The following B4GALNT4 variants were observed in gnomAD, a reference collection of about 807,000 sequenced individuals.
B4GALNT4 encodes N-acetyl-beta-glucosaminyl-glycoprotein 4-beta-N-acetylgalactosaminyltransferase 1.
B4GALNT4 carries 77 observed loss-of-function variants against 110.0 expected under a neutral mutation model. That is an observed-to-expected ratio of 0.70 (90% confidence interval 0.58 to 0.85). The LOEUF (loss-of-function observed/expected upper bound fraction) is 0.85, where lower values mean the gene tolerates loss of function less well. Ranked by LOEUF, B4GALNT4 falls within the 40% of genes least tolerant of loss-of-function variation. The pLI is 0.00. For missense variants in B4GALNT4, 1,575 were observed against 1,506.0 expected, an observed-to-expected ratio of 1.05 and a Z score of -0.76; for synonymous variants, 785 against 655.5, an observed-to-expected ratio of 1.20 and a Z score of -3.02.
chr11:381,934 G>A lies in B4GALNT4; in HGVS notation c.*142G>A, dbSNP rs1846885087. On this transcript the variant is annotated 3_prime_UTR_variant, in exon 20 of 20. Transcript: ENST00000329962. ...TGTGCCTGCCCCTCTCTGGCCCACT[G>A]GGCGTCGTGCCCCTCCCCGGAGAGG... The A allele has an allele frequency of 5.6e-6, 6 of 1,064,272 alleles. No homozygotes were observed. The highest frequency in any genetic ancestry group is 5.0e-6 in the Non-Finnish European group (4 of 798,170). 65.9% of individuals were successfully genotyped at this position (1,064,272 alleles called of 1,614,324 possible).
In B4GALNT4 at chr11:376,555, A is replaced by T; in HGVS notation, c.1432A>T (p.Thr478Ser). 1 of 1,214,676 alleles carries T rather than the reference A, an allele frequency of 8.2e-7. No individual in the cohort carries two copies. Among genetic ancestry groups the T allele is most frequent in the South Asian group, 1.7e-5 (1 of 57,436 alleles). The allele number at this position is 1,214,676 out of a possible 1,614,324, so 75.2% of individuals were successfully genotyped here. A position where few individuals can be genotyped will look rare whatever the true frequency, so the allele number is the denominator to read the frequency against. Residue 478 changes from threonine (T) to serine (S), a missense_variant, in exon 14 of 20, where the codon ACC (threonine) becomes TCC (serine). Thr to Ser is a moderately conservative substitution (Grantham distance 58). Transcript: ENST00000329962. Reference sequence around the variant, plus strand: ...GCCCGGAGCCACCCTCGCCCCGCCGACCCCTCCCCGCCCCCGGGACGGGGG... The same window carrying T: ...GCCCGGAGCCACCCTCGCCCCGCCGTCCCCTCCCCGCCCCCGGGACGGGGG... ...AQPGATLAPP[T>S]PPRPRDGGTP...
intron 16 of B4GALNT4, 36 bp from the exon 17 acceptor site, chr11:380,094 C>T (rs1393832189): frequency 2.5e-6 from 4 of 1,591,946 alleles, no homozygotes; most frequent in East Asian, 4.5e-5. Context: ...CCTGACCCCA[C>T]CCCCAGAGAT....
Position 372,218 on chromosome 11 carries a change from C to G in B4GALNT4, c.255+6C>G, listed in dbSNP as rs1390673146. 1 of 1,549,638 alleles carries G rather than the reference C, an allele frequency of 6.5e-7. No homozygotes were observed. The highest frequency in any genetic ancestry group is 2.4e-5 in the East Asian group (1 of 40,906). ...GCCGTGAAGAGGAGCAAGCGGTGAG[C>G]AGAGCCCTGGGGAGAACACGTGTGC... On this transcript the variant is annotated splice_donor_region_variant and intron_variant, in intron 2 of 19. Coordinates refer to ENST00000329962, the MANE Select transcript of B4GALNT4 (RefSeq NM_178537.5).
intron 18 of B4GALNT4, 62 bp downstream of exon 18, chr11:380,507 C>T: frequency 6.5e-7 from 1 of 1,530,188 alleles, no homozygotes; most frequent in South Asian, 1.2e-5. Flanking sequence ...GCGGTAAAGT[C>T]CAGGAACCCG....
intron 14 of B4GALNT4, 51 bp downstream of exon 14, chr11:377,378 C>T (rs1590341255): frequency 1.4e-6 from 2 of 1,441,552 alleles, no homozygotes; most frequent in Non-Finnish European, 1.8e-6. Flanking sequence ...GCGGGGACAG[C>T]CGGGGAGAGG....
intron 5 of B4GALNT4, 31 bp downstream of exon 5, chr11:373,147 G>A (rs1846650707): frequency 1.2e-6 from 2 of 1,612,340 alleles, no homozygotes; most frequent in East Asian, 2.2e-5. Context: ...CGGGGGAGGG[G>A]TGCCGTGAGG....
At chr11:370,461 G>A (rs1846597416) in intron 1 of B4GALNT4, among the ~76,000 whole-genome samples, 1 of 152,050 alleles carries the variant, frequency 6.6e-6, no homozygotes. Flanking sequence ...GGGCGCCTTC[G>A]GTGAACTGTG....
chr11:377,306 G>T lies in B4GALNT4; in HGVS notation c.2183G>T (p.Arg728Leu), dbSNP rs761017187. ...AVDVTAQYME[R>L]LNARHGGRFA... ...GACGTGACCGCTCAGTACATGGAGC[G>T]GCTGAACGCGCGCCACGGCGGGTAT... Residue 728 changes from arginine (R) to leucine (L), a missense_variant, in exon 14 of 20, where the codon CGG becomes CTG. Physicochemically the swap from Arg to Leu is moderately radical, Grantham distance 102 (BLOSUM62 -2). Coordinates refer to ENST00000329962, the MANE Select transcript of B4GALNT4 (RefSeq NM_178537.5). 6.4e-7 allele frequency: 1 copy of T among 1,555,578 alleles called. No homozygotes were observed. Among genetic ancestry groups the T allele is most frequent in the East Asian group, 2.3e-5 (1 of 42,580 alleles).
chr11:381,717 C>T lies in B4GALNT4; in HGVS notation c.3045C>T (p.Phe1015=), dbSNP rs1032042353. 25 of 1,592,508 alleles carry T rather than the reference C, an allele frequency of 1.6e-5. No homozygotes were observed. Among genetic ancestry groups the T allele is most frequent in the Non-Finnish European group, 2.1e-5 (25 of 1,171,324 alleles). Residue 1015 remains phenylalanine (F), a synonymous_variant, in exon 20 of 20, where the codon TTC becomes TTT. Transcript: ENST00000329962. ...TGGAGCGGCTCCGACTGCGGAATTT[C>T]TATCACCACTACCACTCCAAGAGGG... The part of the protein sequence containing the change: ...LEVERLRLRN[F]YHHYHSKRGM...
Position 376,825 on chromosome 11 carries a change from C to T in B4GALNT4, c.1702C>T (p.Pro568Ser), listed in dbSNP as rs1359043463. The change falls in exon 14 of 20, where the codon CCC becomes TCC. Residue 568 changes from proline (P) to serine (S), a missense_variant. Pro to Ser is a moderately conservative substitution (Grantham distance 74). Coordinates refer to ENST00000329962, the MANE Select transcript of B4GALNT4 (RefSeq NM_178537.5). Reference sequence around the variant, plus strand: ...TCTGCCCAGAGTGCAGCTGCGGGCGCCCCCACGCCCACCCCGGCCCCACGG... The same window carrying T: ...TCTGCCCAGAGTGCAGCTGCGGGCGTCCCCACGCCCACCCCGGCCCCACGG... Reference protein sequence around the residue: ...RPLPRVQLRAPPRPPRPHGRR... With the variant: ...RPLPRVQLRASPRPPRPHGRR... 1.1e-5 allele frequency: 15 copies of T among 1,344,236 alleles called. No individual in the cohort carries two copies. Among genetic ancestry groups the T allele is most frequent in the South Asian group, 1.7e-5 (1 of 59,798 alleles). 83.3% of individuals were successfully genotyped at this position (1,344,236 alleles called of 1,614,324 possible).
At position 373,895 on chromosome 11, in the gene B4GALNT4, G is replaced by A. The variant is rs964553982; in HGVS notation, c.783+67G>A. On this transcript the variant is annotated intron_variant, in intron 8 of 19. Coordinates refer to ENST00000329962, the MANE Select transcript of B4GALNT4 (RefSeq NM_178537.5). ...CCCCCCACCTCCCTGCAGGACAACC[G>A]CAATGGGGTCCCCGTCCCAAAGTTG... is the stretch of plus-strand genomic sequence containing the variant. The A allele has an allele frequency of 2.6e-5, 39 of 1,497,184 alleles. No individual in the cohort carries two copies. In the Middle Eastern group the frequency reaches 5.1e-4, roughly 20 times the overall value. 92.7% of individuals were successfully genotyped at this position (1,497,184 alleles called of 1,614,324 possible).
chr11:381,802 G>A lies in B4GALNT4; in HGVS notation c.*10G>A. Reference sequence around the variant, plus strand: ...CACGGGGGCGTCTTGAGGACGGGCAGCCCCTCCCAGCCCCGGTGGGAGTCC... The same window carrying A: ...CACGGGGGCGTCTTGAGGACGGGCAACCCCTCCCAGCCCCGGTGGGAGTCC... On this transcript the variant is annotated 3_prime_UTR_variant, in exon 20 of 20. Transcript: ENST00000329962. 3 of 1,562,784 alleles carry A rather than the reference G, an allele frequency of 1.9e-6. No homozygotes were observed. Among genetic ancestry groups the A allele is most frequent in the East Asian group, 4.9e-5 (2 of 40,882 alleles).
chr11:373,708 G>A, intron 7 of B4GALNT4, 42 bp from the exon 8 acceptor site: 1 of 1,599,502 alleles, frequency 6.3e-7, no homozygotes, highest in Non-Finnish European at 8.6e-7. Context: ...CACTATTTGA[G>A]CGTCCTGTGC....
Position 381,795 on chromosome 11 carries a change from A to T in B4GALNT4, c.*3A>T. On this transcript the variant is annotated 3_prime_UTR_variant, in exon 20 of 20. Coordinates refer to ENST00000329962, the MANE Select transcript of B4GALNT4 (RefSeq NM_178537.5). ...GCTCTCGCACGGGGGCGTCTTGAGGACGGGCAGCCCCTCCCAGCCCCGGTG... is the reference window on the plus strand; with the variant it reads ...GCTCTCGCACGGGGGCGTCTTGAGGTCGGGCAGCCCCTCCCAGCCCCGGTG... 6.4e-7 allele frequency: 1 copy of T among 1,574,682 alleles called. No individual in the cohort carries two copies.
At position 381,725 on chromosome 11, in the gene B4GALNT4, A is replaced by G. The variant is rs376899095; in HGVS notation, c.3053A>G (p.His1018Arg). ...ERLRLRNFYH[H>R]YHSKRGMWSV... is the part of the protein sequence containing the mutation. ...CTCCGACTGCGGAATTTCTATCACC[A>G]CTACCACTCCAAGAGGGGCATGTGG... Residue 1018 changes from histidine (H) to arginine (R), a missense_variant, in exon 20 of 20, where the codon CAC (histidine) becomes CGC (arginine). His to Arg is a conservative substitution (Grantham distance 29). Coordinates refer to ENST00000329962, the MANE Select transcript of B4GALNT4 (RefSeq NM_178537.5). 1 of 1,591,510 alleles carries G rather than the reference A, an allele frequency of 6.3e-7. No homozygotes were observed. Among genetic ancestry groups the G allele is most frequent in the African/African-American group, 1.4e-5 (1 of 72,816 alleles).
chr11:379,811 G>GC, intron 15 of B4GALNT4, 55 bp from the exon 16 acceptor site: 1 of 1,531,904 alleles, frequency 6.5e-7, no homozygotes, highest in South Asian at 1.3e-5. Flanking sequence ...GAGCTGGGAG[G>GC]CCCCACCGTA....
At position 375,197 on chromosome 11, in the gene B4GALNT4, A is replaced by T. The variant is rs111390232; in HGVS notation, c.784-264A>T. On this transcript the variant is annotated intron_variant, in intron 8 of 19. Coordinates refer to ENST00000329962, the MANE Select transcript of B4GALNT4 (RefSeq NM_178537.5). Reference sequence around the variant, plus strand: ...GGGAGGGAGGAGGAAGGGAGGGAGGAGGAAGGGAGGGAGGAGGAAAGGTGA... The same window carrying T: ...GGGAGGGAGGAGGAAGGGAGGGAGGTGGAAGGGAGGGAGGAGGAAAGGTGA... Among the ~76,000 whole-genome samples, 405 of 108,244 alleles carry T rather than the reference A, an allele frequency of 3.7e-3. 4 individuals are homozygous for T. The highest frequency in any genetic ancestry group is 0.019 in the South Asian group (57 of 3,070). The allele number at this position is 108,244 out of a possible 152,430, so 71.0% of individuals were successfully genotyped here.
chr11:374,342 T>A (rs1846681340), intron 8 of B4GALNT4, among the ~76,000 whole-genome samples: 2 of 149,514 alleles, frequency 1.3e-5, no homozygotes, highest in Non-Finnish European at 3.0e-5. Context: ...GAGGTGGCTG[T>A]GGGGATGGAC....
Position 373,804 on chromosome 11 carries a change from C to A in B4GALNT4, c.759C>A (p.Arg253=). The change falls in exon 8 of 20, where the codon CGC becomes CGA. Residue 253 remains arginine, a synonymous_variant. Transcript: ENST00000329962. Reference sequence around the variant, plus strand: ...AGTTGCTGCACAAGCAGGACGACCGCGGCTCGGACCACGTGGAAGTGGGCG... The same window carrying A: ...AGTTGCTGCACAAGCAGGACGACCGAGGCTCGGACCACGTGGAAGTGGGCG... ...YFELLHKQDD[R]GSDHVEVGWR... is the part of the protein sequence containing the mutation. 1.9e-6 allele frequency: 3 copies of A among 1,612,208 alleles called. No homozygotes were observed. The highest frequency in any genetic ancestry group is 2.5e-6 in the Non-Finnish European group (3 of 1,179,846).
Sources: gnomAD v4.1 joint callset for allele counts (sites outside exome capture counted in the v4.1 genomes callset) on GRCh38, gnomAD v4.1.1 for gene constraint, MANE v1.5 for transcripts, NCBI Gene and HGNC (gene_info 2026-07-23, HGNC 2026-07-21) for gene names.